The following MAST4 variants were observed in gnomAD, a reference collection of about 807,000 sequenced individuals.
The protein encoded by MAST4 is microtubule associated serine/threonine kinase family member 4.
A neutral mutation model predicts 162.7 loss-of-function variants in MAST4; 89 were observed. That is an observed-to-expected ratio of 0.55 (90% confidence interval 0.46 to 0.65). MAST4 has a LOEUF of 0.65. MAST4 is among the 30% of genes least tolerant of loss of function. MAST4 has a pLI of 0.00. For missense variants in MAST4, 3,153 were observed against 3,374.0 expected (o/e 0.93, Z 1.62); for synonymous variants, 1,479 against 1,361.1 (o/e 1.09, Z -1.91).
chr5:66,644,621 C>T (rs1033839935), intron 1 of MAST4, among the ~76,000 whole-genome samples: 1 of 152,088 alleles, frequency 6.6e-6, no homozygotes, highest in South Asian at 2.1e-4. Context: ...ATGGTCAAAC[C>T]TAAAAGAAGC....
intron 1 of MAST4, among the ~76,000 whole-genome samples, chr5:66,751,769 G>A (rs10940083): frequency 6.8e-4 from 93 of 135,838 alleles, no homozygotes; most frequent in South Asian, 2.2e-3. Flanking sequence ...GCAGGCCAAC[G>A]TTCAGATTCA....
At position 66,961,056 on chromosome 5, in the gene MAST4, T is replaced by G. The variant is rs549713567; in HGVS notation, c.674+61074T>G. On this transcript the variant is annotated intron_variant, in intron 4 of 28. Coordinates refer to ENST00000403625, the MANE Select transcript of MAST4 (RefSeq NM_001164664.2). The stretch of plus-strand genomic sequence containing the variant: ...GTGAGAGTGGAATAGAGAATCACTC[T>G]TAAATATCATTGTAGTATTAGTATG... Among the ~76,000 whole-genome samples, 5 of 152,346 alleles carry G rather than the reference T, an allele frequency of 3.3e-5. No individual in the cohort carries two copies. The South Asian group carries it at 1.0e-3, about 32-fold the overall frequency.
At chr5:66,978,955 A>C (rs1748462382) in intron 4 of MAST4, among the ~76,000 whole-genome samples, 1 of 152,146 alleles carries the variant, frequency 6.6e-6, no homozygotes, top group South Asian at 2.1e-4. Context: ...AGTGCAGAAA[A>C]GGAATGATGA....
chr5:66,952,003 C>T (rs376908657), intron 4 of MAST4, among the ~76,000 whole-genome samples: 13 of 152,162 alleles, frequency 8.5e-5, no homozygotes, highest in South Asian at 2.1e-4. Flanking sequence ...CTCCATGTTC[C>T]GCCCTTTCTT....
intron 5 of MAST4, among the ~76,000 whole-genome samples, chr5:67,060,848 G>GT (rs1312116760): frequency 6.6e-6 from 1 of 152,120 alleles, no homozygotes; most frequent in Non-Finnish European, 1.5e-5. Flanking sequence ...TAGTTGGGCC[G>GT]TAAGGGATTT....
At chr5:66,759,911 G>A in intron 2 of MAST4, 49 bp downstream of exon 2, 1 of 1,596,726 alleles carries the variant, frequency 6.3e-7, no homozygotes, top group Non-Finnish European at 8.6e-7. Flanking sequence ...TTCTTTACAA[G>A]GTCCTGCATG....
At chr5:66,913,893 A>G (rs1267651646) in intron 4 of MAST4, among the ~76,000 whole-genome samples, 1 of 152,120 alleles carries the variant, frequency 6.6e-6, no homozygotes, top group Non-Finnish European at 1.5e-5. Flanking sequence ...TGAACAGGCT[A>G]TTTCTTTCTC....
chr5:66,820,788 A>G (rs570845019), intron 3 of MAST4, among the ~76,000 whole-genome samples: 3 of 152,288 alleles, frequency 2.0e-5, no homozygotes, highest in African/African-American at 4.8e-5. Flanking sequence ...TGTGATTTAT[A>G]TTTTATTATT....
chr5:67,011,698 T>G (rs1464963623), intron 4 of MAST4, among the ~76,000 whole-genome samples: 1 of 152,220 alleles, frequency 6.6e-6, no homozygotes, highest in Non-Finnish European at 1.5e-5. Context: ...TCGCAGATTC[T>G]GGGCATCTAA....
chr5:66,772,740 C>A (rs1754415352), intron 2 of MAST4, among the ~76,000 whole-genome samples: 1 of 152,208 alleles, frequency 6.6e-6, no homozygotes, highest in Non-Finnish European at 1.5e-5. Flanking sequence ...GGCCCAGATT[C>A]TAGTCCCAAG....
chr5:66,657,006 T>C (rs534064674), intron 1 of MAST4, among the ~76,000 whole-genome samples: 37 of 152,356 alleles, frequency 2.4e-4, no homozygotes, highest in African/African-American at 8.9e-4. Flanking sequence ...CAAATCTCTC[T>C]CTCCTTTATC....
intron 3 of MAST4, among the ~76,000 whole-genome samples, chr5:66,874,580 T>C (rs1761166209): frequency 6.6e-6 from 1 of 152,202 alleles, no homozygotes. Flanking sequence ...CCGAAAGTGT[T>C]GTAACAGTCT....
intron 4 of MAST4, among the ~76,000 whole-genome samples, chr5:66,996,029 A>G (rs113691525): frequency 0.037 from 5,680 of 152,198 alleles, 329 homozygotes; most frequent in African/African-American, 0.13. Flanking sequence ...TATAATCCCA[A>G]CACTTTGGGA....
chr5:66,788,559 G>A (rs1018624414), intron 2 of MAST4, 111 bp from the exon 3 acceptor site: 2 of 1,318,198 alleles, frequency 1.5e-6, no homozygotes, highest in Admixed American at 1.8e-5. Flanking sequence ...TATGGCAGAA[G>A]TAATACAGAA....
intron 4 of MAST4, among the ~76,000 whole-genome samples, chr5:67,019,024 G>A (rs1459177250): frequency 6.6e-6 from 1 of 152,146 alleles, no homozygotes; most frequent in East Asian, 1.9e-4. Flanking sequence ...GCACACATGT[G>A]TGCATGCATA....
At chr5:66,848,856 A>G (rs1759087958) in intron 3 of MAST4, among the ~76,000 whole-genome samples, 2 of 152,156 alleles carry the variant, frequency 1.3e-5, no homozygotes, top group Non-Finnish European at 2.9e-5. Flanking sequence ...TGCAGCATTT[A>G]TACACATGGC....
intron 4 of MAST4, among the ~76,000 whole-genome samples, chr5:66,949,637 AATT>A (rs2150126142): frequency 6.6e-6 from 1 of 152,278 alleles, no homozygotes; most frequent in African/African-American, 2.4e-5. Context: ...GCAAGTATTT[AATT>A]ATTTTGGTCA....
chr5:66,947,118 G>A (rs918051806), intron 4 of MAST4, among the ~76,000 whole-genome samples: 3 of 152,152 alleles, frequency 2.0e-5, no homozygotes, highest in African/African-American at 7.2e-5. Flanking sequence ...CAGTCAATGT[G>A]AGAGTATTTT....
chr5:66,811,132 G>A (rs970086753), intron 3 of MAST4, among the ~76,000 whole-genome samples: 3 of 152,196 alleles, frequency 2.0e-5, no homozygotes, highest in Middle Eastern at 3.4e-3. Flanking sequence ...TCTCCTGTGC[G>A]GCCACCTGGG....
Sources: allele counts gnomAD v4.1 joint callset (sites outside exome capture counted in the v4.1 genomes callset), GRCh38; gene constraint gnomAD v4.1.1; transcripts MANE v1.5; gene names NCBI Gene and HGNC (gene_info 2026-07-23, HGNC 2026-07-21).